The following HTR1F variants were observed in gnomAD, a reference collection of about 807,000 sequenced individuals.
HTR1F encodes the protein 5-hydroxytryptamine receptor 1F, also known as 5-hydroxytryptamine (serotonin) receptor 1F, G protein-coupled.
Under a neutral mutation model 24.0 loss-of-function variants are expected in HTR1F, and 17 were observed. The ratio of observed to expected loss-of-function variants is 0.71; its 90% confidence interval spans 0.48 to 1.06. The LOEUF is 1.06. HTR1F is among the 50% of genes least tolerant of loss of function. The probability of loss-of-function intolerance (pLI) is 0.00; values close to 1 mark genes in which losing one functional copy is unlikely to be tolerated. For synonymous variants in HTR1F, 186 were observed against 156.8 expected, an observed-to-expected ratio of 1.19 and a Z score of -1.39; for missense variants, 391 against 427.8, an observed-to-expected ratio of 0.91 and a Z score of 0.76.
intron 2 of HTR1F, among the ~76,000 whole-genome samples, chr3:87,914,657 C>T (rs1299811440): frequency 1.3e-5 from 2 of 151,954 alleles, no homozygotes; most frequent in African/African-American, 4.8e-5. Flanking sequence ...ACCCGGGAAC[C>T]TCACCCCCAT....
intron 2 of HTR1F, among the ~76,000 whole-genome samples, chr3:87,899,603 C>A (rs778850309): frequency 6.6e-6 from 1 of 152,124 alleles, no homozygotes; most frequent in African/African-American, 2.4e-5. Context: ...CGGTGACTCA[C>A]GCCTGTAATC....
chr3:87,895,734 A>T (rs1336333884), intron 2 of HTR1F, among the ~76,000 whole-genome samples: 1 of 152,188 alleles, frequency 6.6e-6, no homozygotes, highest in African/African-American at 2.4e-5. Flanking sequence ...ACTTGTAGAT[A>T]AAAAAACTTT....
chr3:87,967,630 T>G (rs1291903906), intron 2 of HTR1F, among the ~76,000 whole-genome samples: 1 of 151,784 alleles, frequency 6.6e-6, no homozygotes, highest in Non-Finnish European at 1.5e-5. Flanking sequence ...CTCATGATAG[T>G]GAAAAAATGT....
chr3:87,833,617 T>G (rs1258833913), intron 2 of HTR1F, among the ~76,000 whole-genome samples: 1 of 152,104 alleles, frequency 6.6e-6, no homozygotes, highest in East Asian at 1.9e-4. Flanking sequence ...TCCTGCTGAC[T>G]CAGCCTCCCA....
chr3:87,854,100 T>C (rs940359250), intron 2 of HTR1F, among the ~76,000 whole-genome samples: 1 of 151,976 alleles, frequency 6.6e-6, no homozygotes, highest in Non-Finnish European at 1.5e-5. Flanking sequence ...GTTCACTTTG[T>C]TCGTTTCTTC....
At chr3:87,921,755 C>A (rs1460592644) in intron 2 of HTR1F, among the ~76,000 whole-genome samples, 1 of 151,832 alleles carries the variant, frequency 6.6e-6, no homozygotes, top group Non-Finnish European at 1.5e-5. Context: ...ATAGTAACAA[C>A]TATTCGAATC....
At chr3:87,951,735 T>C (rs552025069) in intron 2 of HTR1F, among the ~76,000 whole-genome samples, 3 of 152,224 alleles carry the variant, frequency 2.0e-5, no homozygotes, top group African/African-American at 7.2e-5. Flanking sequence ...AATATATAGT[T>C]ATATGCATAT....
chr3:87,857,614 A>G (rs1411717842), intron 2 of HTR1F, among the ~76,000 whole-genome samples: 1 of 152,132 alleles, frequency 6.6e-6, no homozygotes, highest in East Asian at 1.9e-4. Context: ...TTAAGCTCAC[A>G]GAAAAATGAA....
intron 2 of HTR1F, among the ~76,000 whole-genome samples, chr3:87,932,064 C>T (rs191597277): frequency 6.6e-6 from 1 of 152,252 alleles, no homozygotes; most frequent in Admixed American, 6.5e-5. Context: ...TCCCATTTGT[C>T]AGTTTTGGCT....
chr3:87,855,022 T>C (rs1328555979), intron 2 of HTR1F, among the ~76,000 whole-genome samples: 3 of 152,098 alleles, frequency 2.0e-5, no homozygotes, highest in Non-Finnish European at 4.4e-5. Context: ...TCTCTGTCTC[T>C]CTCTCATTGT....
chr3:87,917,290 C>G (rs1273685148), intron 2 of HTR1F, among the ~76,000 whole-genome samples: 1 of 151,264 alleles, frequency 6.6e-6, no homozygotes, highest in South Asian at 2.1e-4. Context: ...TAAGGTCACA[C>G]CTCAAGAAAA....
intron 2 of HTR1F, among the ~76,000 whole-genome samples, chr3:87,873,516 A>G (rs1705606041): frequency 6.6e-6 from 1 of 152,196 alleles, no homozygotes; most frequent in African/African-American, 2.4e-5. Flanking sequence ...GATAAGGGCA[A>G]TCATCTCTAC....
chr3:87,934,669 C>G (rs139084224), intron 2 of HTR1F, among the ~76,000 whole-genome samples: 1 of 152,144 alleles, frequency 6.6e-6, no homozygotes, highest in South Asian at 2.1e-4. Flanking sequence ...TCAACAATCA[C>G]TTCCAGGCAA....
chr3:87,918,218 CGTCA>C (rs1703938157), intron 2 of HTR1F, among the ~76,000 whole-genome samples: 2 of 151,782 alleles, frequency 1.3e-5, no homozygotes, highest in African/African-American at 4.8e-5. Flanking sequence ...AAGGGACATA[CGTCA>C]ATATAATAAA....
At chr3:87,980,388 C>T (rs1384241601) in intron 2 of HTR1F, among the ~76,000 whole-genome samples, 1 of 152,182 alleles carries the variant, frequency 6.6e-6, no homozygotes, top group Non-Finnish European at 1.5e-5. Flanking sequence ...TAGCTCCTAT[C>T]CATGGGCAGG....
chr3:87,922,334 T>G (rs1269050451), intron 2 of HTR1F, among the ~76,000 whole-genome samples: 3 of 151,856 alleles, frequency 2.0e-5, no homozygotes, highest in African/African-American at 7.2e-5. Context: ...TTTCAGAAAT[T>G]TTATTTATAT....
intron 2 of HTR1F, among the ~76,000 whole-genome samples, chr3:87,838,628 A>G (rs746792771): frequency 7.2e-5 from 11 of 152,082 alleles, no homozygotes; most frequent in Non-Finnish European, 5.9e-5. Flanking sequence ...AGAGTTTTAC[A>G]TTTAAATTGT....
intron 2 of HTR1F, among the ~76,000 whole-genome samples, chr3:87,919,825 C>G (rs1703972528): frequency 6.6e-6 from 1 of 151,916 alleles, no homozygotes; most frequent in Non-Finnish European, 1.5e-5. Context: ...CCTTAAAGAA[C>G]TAAAAGTAGA....
intron 2 of HTR1F, among the ~76,000 whole-genome samples, chr3:87,858,223 G>T (rs1241323477): frequency 6.6e-6 from 1 of 152,112 alleles, no homozygotes; most frequent in African/African-American, 2.4e-5. Flanking sequence ...ACTGAGCAAA[G>T]GCATGTATAG....
Sources: gnomAD v4.1 joint callset for allele counts (sites outside exome capture counted in the v4.1 genomes callset) on GRCh38, gnomAD v4.1.1 for gene constraint, MANE v1.5 for transcripts, NCBI Gene and HGNC (gene_info 2026-07-23, HGNC 2026-07-21) for gene names.